The following EFR3B variants were observed in gnomAD, a reference collection of about 807,000 sequenced individuals.
The protein encoded by EFR3B is protein EFR3 homolog B.
A neutral mutation model predicts 104.7 loss-of-function variants in EFR3B; 64 were observed. The ratio of observed to expected loss-of-function variants is 0.61; its 90% CI spans 0.50 to 0.75. The LOEUF (loss-of-function observed/expected upper bound fraction) is 0.75. Ranked by LOEUF, EFR3B falls within the 30% of genes least tolerant of loss-of-function variation. EFR3B has a pLI of 0.00. For synonymous variants in EFR3B, 385 were observed against 417.9 expected (o/e 0.92, Z 0.96); for missense variants, 750 against 1,078.5 (o/e 0.70, Z 4.27).
chr2:25,065,877 C>T (rs1330560554), intron 1 of EFR3B, among the ~76,000 whole-genome samples: 1 of 152,092 alleles, frequency 6.6e-6, no homozygotes, highest in Non-Finnish European at 1.5e-5. Context: ...TTCCTGACAC[C>T]CTCTGCTGTC....
rs1671110372 is a variant in EFR3B at position 25,154,669 on chromosome 2, G to A, written c.*329G>A. 3.8e-6 allele frequency: 1 copy of A among 265,944 alleles called. No individual in the cohort carries two copies. Among genetic ancestry groups the A allele is most frequent in the Non-Finnish European group, 7.0e-6 (1 of 141,964 alleles). 16.5% of individuals were successfully genotyped at this position (265,944 alleles called of 1,614,324 possible). On this transcript the variant is annotated 3_prime_UTR_variant, in exon 23 of 23. Transcript: ENST00000403714. The surrounding 1 kb of genome is among the most constrained non-coding windows in gnomAD (Gnocchi z 4.1). ...CTGAGAAGCTCCTACTTGGTGTTTT[G>A]AGTGAAGGGCATGTCCTCCCCAGAG... is the stretch of plus-strand genomic sequence containing the variant.
Position 25,128,351 on chromosome 2 carries a change from G to A in EFR3B, c.635+19G>A. The stretch of plus-strand genomic sequence containing the variant: ...CAGAGAGGTAAGCAGGCCGGGATGG[G>A]GCAGGACAGTAGATATAATCAACCC... On this transcript the variant is annotated intron_variant, in intron 6 of 22. Transcript: ENST00000403714. The A allele has an allele frequency of 6.4e-7, 1 of 1,551,670 alleles. No individual in the cohort carries two copies. The highest frequency in any genetic ancestry group is 1.2e-5 in the South Asian group (1 of 84,046).
chr2:25,148,154 CTTTGAG>C (rs1670875086), intron 19 of EFR3B, among the ~76,000 whole-genome samples: 1 of 151,202 alleles, frequency 6.6e-6, no homozygotes, highest in Non-Finnish European at 1.5e-5. Flanking sequence ...GATCTCCCTT[CTTTGAG>C]TTTTATTATT....
intron 4 of EFR3B, among the ~76,000 whole-genome samples, chr2:25,104,855 C>A (rs1019307689): frequency 6.6e-6 from 1 of 152,234 alleles, no homozygotes; most frequent in Admixed American, 6.5e-5. Flanking sequence ...TAATGCTGGT[C>A]TCAGTGCAAA....
chr2:25,126,227 G>A (rs1351231095), intron 5 of EFR3B, among the ~76,000 whole-genome samples: 1 of 152,156 alleles, frequency 6.6e-6, no homozygotes, highest in Non-Finnish European at 1.5e-5. Context: ...CATCCGGGCT[G>A]GAGTGCAGTG....
chr2:25,105,129 C>T (rs1213003893), intron 4 of EFR3B, among the ~76,000 whole-genome samples: 2 of 152,108 alleles, frequency 1.3e-5, no homozygotes, highest in African/African-American at 4.8e-5. Flanking sequence ...GCCCCTTAGC[C>T]TTCCAACCTG....
At chr2:25,095,591 G>A (rs1669253266) in intron 3 of EFR3B, among the ~76,000 whole-genome samples, 1 of 152,094 alleles carries the variant, frequency 6.6e-6, no homozygotes, top group African/African-American at 2.4e-5. Context: ...AGCTACTCAG[G>A]AGGCTAAGAT....
Position 25,137,307 on chromosome 2 carries a change from C to T in EFR3B, c.1561-34C>T, listed in dbSNP as rs1379357130. On this transcript the variant is annotated intron_variant, in intron 14 of 22. Transcript: ENST00000403714. The surrounding 1 kb of genome is among the most constrained non-coding windows in gnomAD (Gnocchi z 4.7). ...CCTTGCCCCTCCTGTCCCCATCCCT[C>T]CGACCCTGGCCTTCTGCCCGCTCCT... 2 of 1,550,872 alleles carry T rather than the reference C, an allele frequency of 1.3e-6. No individual in the cohort carries two copies. The highest frequency in any genetic ancestry group is 8.7e-7 in the Non-Finnish European group (1 of 1,146,408).
chr2:25,112,368 G>A (rs1669745407), intron 4 of EFR3B, among the ~76,000 whole-genome samples: 2 of 152,266 alleles, frequency 1.3e-5, no homozygotes, highest in Non-Finnish European at 2.9e-5. Flanking sequence ...CCTGGGGCCA[G>A]CAAGGACTAG....
intron 1 of EFR3B, chr2:25,080,572 G>T (rs1668774473): frequency 3.9e-6 from 2 of 512,068 alleles, no homozygotes; most frequent in African/African-American, 1.9e-5. Flanking sequence ...GGGATTACAG[G>T]CATGAGCCAC....
At chr2:25,051,872 T>G (rs1262958026) in intron 1 of EFR3B, among the ~76,000 whole-genome samples, 1 of 150,442 alleles carries the variant, frequency 6.6e-6, no homozygotes, top group Non-Finnish European at 1.5e-5. Flanking sequence ...TCTCCTGACC[T>G]CAGGTGATCC....
chr2:25,101,429 A>G (rs1031833949), intron 3 of EFR3B, among the ~76,000 whole-genome samples: 1 of 152,200 alleles, frequency 6.6e-6, no homozygotes, highest in Non-Finnish European at 1.5e-5. Context: ...GGCTCACTGC[A>G]GCCTCGACCT....
At chr2:25,151,413 G>A (rs1324955540) in intron 20 of EFR3B, among the ~76,000 whole-genome samples, 1 of 151,864 alleles carries the variant, frequency 6.6e-6, no homozygotes, top group Admixed American at 6.6e-5. Flanking sequence ...ATGCCACCAC[G>A]CCTGGCTAAT....
At chr2:25,151,580 A>C (rs1671010231) in intron 20 of EFR3B, among the ~76,000 whole-genome samples, 1 of 152,000 alleles carries the variant, frequency 6.6e-6, no homozygotes, top group Admixed American at 6.6e-5. Context: ...CAAAATACCC[A>C]CAGAGTACTC....
intron 5 of EFR3B, 133 bp from the exon 6 acceptor site, chr2:25,128,050 G>A: frequency 1.0e-6 from 1 of 990,288 alleles, no homozygotes; most frequent in East Asian, 2.6e-5. Flanking sequence ...GAGAGTAGCA[G>A]CTGGTCTCCA....
chr2:25,081,018 G>T, intron 1 of EFR3B: 3 of 752,990 alleles, frequency 4.0e-6, no homozygotes, highest in Non-Finnish European at 7.4e-6. Context: ...AGTCTCAGCA[G>T]CAACATCTGC....
At chr2:25,100,613 C>T (rs1669406004) in intron 3 of EFR3B, among the ~76,000 whole-genome samples, 1 of 152,208 alleles carries the variant, frequency 6.6e-6, no homozygotes, top group Non-Finnish European at 1.5e-5. Flanking sequence ...CTGCCTCAGC[C>T]TCCTGAGTAG....
At chr2:25,056,552 T>TA (rs934989105) in intron 1 of EFR3B, among the ~76,000 whole-genome samples, 1 of 151,488 alleles carries the variant, frequency 6.6e-6, no homozygotes, top group Admixed American at 6.6e-5. Flanking sequence ...GATAAACCAC[T>TA]AAGCAGCCTT....
chr2:25,143,778 C>T lies in EFR3B; in HGVS notation c.1966C>T (p.Arg656Cys), dbSNP rs61746664. 2.2e-5 allele frequency: 34 copies of T among 1,551,594 alleles called. No individual in the cohort carries two copies. In the East Asian group the frequency reaches 2.4e-4, roughly 11 times the overall value. ...LDGVVIELLF[R>C]QSKISEVLGG... is the part of the protein sequence containing the mutation. The stretch of plus-strand genomic sequence containing the variant: ...TGGGGTGGTCATTGAGCTCCTCTTC[C>T]GCCAGAGCAAGATCAGTGAAGTCCT... The change falls in exon 18 of 23, where the codon CGC becomes TGC. Residue 656 changes from arginine to cysteine, a missense_variant. Physicochemically the swap from Arg to Cys is radical, Grantham distance 180. Transcript: ENST00000403714.
Sources: gnomAD v4.1 joint callset for allele counts (sites outside exome capture counted in the v4.1 genomes callset) on GRCh38, gnomAD v4.1.1 for gene constraint, Gnocchi (gnomAD v3.1) non-coding constraint, MANE v1.5 for transcripts, NCBI Gene and HGNC (gene_info 2026-07-23, HGNC 2026-07-21) for gene names.